Variants in PCDH11X observed in about 807,000 individuals in gnomAD.
The protein encoded by PCDH11X is protocadherin-11 X-linked.
In PCDH11X, 18 loss-of-function variants were observed where a neutral mutation model predicts 53.3. The observed-to-expected ratio is 0.34, with a 90% CI of 0.23 to 0.50. The LOEUF is 0.50. Ranked by LOEUF, PCDH11X falls within the 20% of genes least tolerant of loss-of-function variation. The pLI is 0.98. For missense variants in PCDH11X, 570 were observed against 1,032.4 expected (o/e 0.55, Z 6.14); for synonymous variants, 279 against 393.3 (o/e 0.71, Z 3.44).
At chrX:92,270,037 A>T (rs73532123) in intron 8 of PCDH11X, among the ~76,000 whole-genome samples, 7,638 of 109,982 alleles carry the variant, frequency 0.069, 462 homozygotes, top group East Asian at 0.27. Flanking sequence ...AAATATAATG[A>T]TCACACCTAG....
At chrX:92,111,923 A>AT (rs1218575540) in intron 6 of PCDH11X, among the ~76,000 whole-genome samples, 1 of 108,593 alleles carries the variant, frequency 9.2e-6, no homozygotes, top group Admixed American at 9.9e-5. Flanking sequence ...CGCCCGGCTA[A>AT]TTTTTTTGTA....
intron 6 of PCDH11X, among the ~76,000 whole-genome samples, chrX:92,162,583 C>T (rs2065663350): frequency 9.2e-6 from 1 of 109,114 alleles, no homozygotes; most frequent in African/African-American, 3.3e-5. Context: ...GAGAGCGGAA[C>T]TCTAATAATT....
At chrX:92,533,910 A>G (rs1434185512) in intron 10 of PCDH11X, among the ~76,000 whole-genome samples, 1 of 106,377 alleles carries the variant, frequency 9.4e-6, no homozygotes, top group Non-Finnish European at 1.9e-5. Context: ...ACCATCATCA[A>G]AGACCAAAGG....
intron 6 of PCDH11X, among the ~76,000 whole-genome samples, chrX:92,105,822 C>T (rs2064372494): frequency 1.8e-5 from 2 of 111,196 alleles, no homozygotes; most frequent in African/African-American, 3.3e-5. Context: ...GGCATATTCA[C>T]TTCTTTTGTG....
chrX:91,908,596 G>C (rs2147797412), intron 6 of PCDH11X, among the ~76,000 whole-genome samples: 1 of 110,264 alleles, frequency 9.1e-6, no homozygotes, highest in South Asian at 3.9e-4. Context: ...CTGAGGTCAG[G>C]AGTTTGAGAC....
intron 10 of PCDH11X, among the ~76,000 whole-genome samples, chrX:92,584,201 G>A (rs1677652034): frequency 9.1e-6 from 1 of 110,123 alleles, no homozygotes; most frequent in African/African-American, 3.3e-5. Flanking sequence ...AATTAGTGTT[G>A]TAAGATTTTA....
chrX:91,973,518 A>C (rs2062002173), intron 6 of PCDH11X, among the ~76,000 whole-genome samples: 1 of 108,842 alleles, frequency 9.2e-6, no homozygotes, highest in African/African-American at 3.3e-5. Flanking sequence ...AAAAATGATA[A>C]GTATGTGAGC....
chrX:92,478,307 T>TA (rs1260434711), intron 10 of PCDH11X, among the ~76,000 whole-genome samples: 26 of 110,563 alleles, frequency 2.4e-4, no homozygotes, highest in South Asian at 3.8e-4. Flanking sequence ...TTCACTAATT[T>TA]AAAAAAAAAC....
chrX:92,550,636 C>T (rs1251927531), intron 10 of PCDH11X, among the ~76,000 whole-genome samples: 13 of 105,178 alleles, frequency 1.2e-4, no homozygotes, highest in African/African-American at 4.5e-4. Context: ...AAATTATTAT[C>T]GACTATAGTC....
chrX:92,166,940 G>A (rs1285822824), intron 6 of PCDH11X, among the ~76,000 whole-genome samples: 1 of 110,522 alleles, frequency 9.0e-6, no homozygotes, highest in East Asian at 2.8e-4. Flanking sequence ...CAATTAGTTG[G>A]CTGAATGACA....
chrX:92,421,051 T>G (rs1402448048), intron 9 of PCDH11X, among the ~76,000 whole-genome samples: 2 of 111,981 alleles, frequency 1.8e-5, no homozygotes, highest in Admixed American at 1.9e-4. Context: ...GTTCATTGAC[T>G]CTTGCCTCTG....
At chrX:91,970,859 T>C (rs1389893470) in intron 6 of PCDH11X, among the ~76,000 whole-genome samples, 1 of 111,903 alleles carries the variant, frequency 8.9e-6, no homozygotes, top group Non-Finnish European at 1.9e-5. Flanking sequence ...CCTAACACAA[T>C]GCTGGACCTC....
intron 8 of PCDH11X, among the ~76,000 whole-genome samples, chrX:92,333,073 G>A (rs1281238243): frequency 2.7e-5 from 3 of 109,738 alleles, no homozygotes; most frequent in Non-Finnish European, 3.8e-5. Flanking sequence ...GAAGGAATTA[G>A]TTTCATGCCC....
chrX:92,129,458 A>G (rs2064931783), intron 6 of PCDH11X, among the ~76,000 whole-genome samples: 1 of 111,848 alleles, frequency 8.9e-6, no homozygotes, highest in Non-Finnish European at 1.9e-5. Flanking sequence ...TGGCCCCATA[A>G]ACCAAACTGA....
At chrX:92,553,137 G>A (rs2074989499) in intron 10 of PCDH11X, among the ~76,000 whole-genome samples, 1 of 107,755 alleles carries the variant, frequency 9.3e-6, no homozygotes, top group Admixed American at 1.0e-4. Flanking sequence ...AATTGTTTGA[G>A]TAGCATCCTT....
chrX:92,201,260 A>T, intron 6 of PCDH11X, 115 bp from the exon 7 acceptor site: 2 of 1,012,525 alleles, frequency 2.0e-6, no homozygotes, highest in Non-Finnish European at 2.6e-6. Flanking sequence ...CTAAAAAGAG[A>T]TAATCTACCC....
intron 10 of PCDH11X, among the ~76,000 whole-genome samples, chrX:92,469,545 T>C (rs897387006): frequency 3.6e-5 from 4 of 111,674 alleles, no homozygotes; most frequent in African/African-American, 1.3e-4. Context: ...AGTTAAGTCT[T>C]TAATATGCAT....
intron 9 of PCDH11X, among the ~76,000 whole-genome samples, chrX:92,418,370 G>T (rs1297690875): frequency 9.0e-6 from 1 of 110,858 alleles, no homozygotes; most frequent in Non-Finnish European, 1.9e-5. Flanking sequence ...TTTCCTGGAG[G>T]CAACAGCAGA....
chrX:92,259,064 C>T (rs1401831360), intron 7 of PCDH11X, among the ~76,000 whole-genome samples: 1 of 110,355 alleles, frequency 9.1e-6, no homozygotes, highest in Non-Finnish European at 1.9e-5. Flanking sequence ...TATCTGTGTC[C>T]ATATCACCAT....
Sources: allele counts gnomAD v4.1 joint callset (sites outside exome capture counted in the v4.1 genomes callset), GRCh38; gene constraint gnomAD v4.1.1; transcripts MANE v1.5; gene names NCBI Gene and HGNC (gene_info 2026-07-23, HGNC 2026-07-21).